CACNA1C: variants seen among roughly 807,000 people sequenced by gnomAD.
CACNA1C encodes voltage-dependent L-type calcium channel subunit alpha-1C.
CACNA1C carries 30 observed loss-of-function variants against 229.0 expected under a neutral mutation model. The ratio of observed to expected loss-of-function variants is 0.13; its 90% CI spans 0.10 to 0.18. The LOEUF is 0.18. CACNA1C is among the 10% of genes least tolerant of loss of function. The probability of loss-of-function intolerance (pLI) is 1.00; values close to 1 mark genes in which losing one functional copy is unlikely to be tolerated. For synonymous variants in CACNA1C, 1,114 were observed against 1,132.5 expected, an observed-to-expected ratio of 0.98 and a Z score of 0.33; for missense variants, 1,658 against 2,845.0, an observed-to-expected ratio of 0.58 and a Z score of 9.49.
chr12:2,046,300 G>A (rs1359965268), intron 1 of CACNA1C, among the ~76,000 whole-genome samples: 1 of 152,162 alleles, frequency 6.6e-6, no homozygotes, highest in Non-Finnish European at 1.5e-5. Flanking sequence ...CCTTCTGGGG[G>A]TCAGCAGGTC....
intron 1 of CACNA1C, among the ~76,000 whole-genome samples, chr12:2,013,210 A>G (rs1175320377): frequency 6.6e-6 from 1 of 152,170 alleles, no homozygotes; most frequent in African/African-American, 2.4e-5. Flanking sequence ...AGAGACAACA[A>G]TAGTGGTAAC....
chr12:1,994,971 A>G (rs1262295327), intron 1 of CACNA1C, among the ~76,000 whole-genome samples: 5 of 145,286 alleles, frequency 3.4e-5, no homozygotes, highest in Admixed American at 7.0e-5. Flanking sequence ...AAAGCCTTCA[A>G]CATTCTAGGA....
chr12:2,381,962 G>A (rs1594777612), intron 3 of CACNA1C, among the ~76,000 whole-genome samples: 1 of 152,182 alleles, frequency 6.6e-6, no homozygotes, highest in Admixed American at 6.5e-5. Context: ...ACAATCAGAG[G>A]GCCCTCCTTC....
rs141910995 is a variant in CACNA1C, at chr12:2,554,011, T to C, written c.1482-2940T>C. On this transcript the variant is annotated intron_variant, in intron 10 of 46. Transcript: ENST00000399655. ...TGTGGATGATGACTGCAGTGCCATC[T>C]GACTTATATTAAAGGCGAATTTGGG... Among the ~76,000 whole-genome samples the C allele has an allele frequency of 1.4e-3, 208 of 152,326 alleles. 1 individual carries two copies. The highest frequency in any genetic ancestry group is 4.6e-3 in the African/African-American group (193 of 41,566).
chr12:2,500,928 C>T (rs1272678791), intron 7 of CACNA1C, among the ~76,000 whole-genome samples: 4 of 151,858 alleles, frequency 2.6e-5, no homozygotes, highest in Admixed American at 6.6e-5. Flanking sequence ...TAAAGCAGGC[C>T]GGGGGCAGTG....
chr12:2,161,041 C>T (rs1299310359), intron 3 of CACNA1C, among the ~76,000 whole-genome samples: 4 of 152,186 alleles, frequency 2.6e-5, no homozygotes, highest in South Asian at 2.1e-4. Context: ...AGACTGGTCT[C>T]GAACTTCTGG....
At chr12:2,110,522 T>C (rs1292174762) in intron 1 of CACNA1C, among the ~76,000 whole-genome samples, 1 of 152,212 alleles carries the variant, frequency 6.6e-6, no homozygotes, top group Non-Finnish European at 1.5e-5. Flanking sequence ...AGCTTTATAA[T>C]TTGAAAATTG....
At position 2,689,313 on chromosome 12, in the gene CACNA1C, A is replaced by C. The variant is rs2097689847; in HGVS notation, c.6117+534A>C. Reference sequence around the variant, plus strand: ...CACCACATTATTAGGGACCTTTGACACACTGGAACAAACCCAACAGAGGAT... The same window carrying C: ...CACCACATTATTAGGGACCTTTGACCCACTGGAACAAACCCAACAGAGGAT... On this transcript the variant is annotated intron_variant, in intron 46 of 46. Coordinates refer to ENST00000399655, the MANE Select transcript of CACNA1C (RefSeq NM_000719.7). The surrounding 1 kb of genome is among the most constrained non-coding windows in gnomAD (Gnocchi z 4.2). Among the ~76,000 whole-genome samples, 3 of 152,130 alleles carry C rather than the reference A, an allele frequency of 2.0e-5. No individual in the cohort carries two copies.
At chr12:2,454,484 G>C (rs2099404235) in intron 4 of CACNA1C, among the ~76,000 whole-genome samples, 1 of 152,074 alleles carries the variant, frequency 6.6e-6, no homozygotes, top group Non-Finnish European at 1.5e-5. Flanking sequence ...CTTCCAGCCA[G>C]CTCAGACGCC....
chr12:2,462,746 ACTT>A (rs564937603), intron 5 of CACNA1C, among the ~76,000 whole-genome samples: 48 of 152,154 alleles, frequency 3.2e-4, no homozygotes, highest in Admixed American at 2.0e-3. Flanking sequence ...AAGGGTCTTT[ACTT>A]CTTCTGTCTC....
chr12:2,107,253 C>G (rs1355752162), intron 1 of CACNA1C, among the ~76,000 whole-genome samples: 1 of 148,682 alleles, frequency 6.7e-6, no homozygotes, highest in African/African-American at 2.5e-5. Flanking sequence ...GGGCGCCCAC[C>G]CTGGAGAGAG....
chr12:2,538,434 CTG>C (rs1361712897), intron 9 of CACNA1C, among the ~76,000 whole-genome samples: 1 of 152,104 alleles, frequency 6.6e-6, no homozygotes, highest in Non-Finnish European at 1.5e-5. Flanking sequence ...GGCCTGGGAA[CTG>C]TGTTTCTTTT....
intron 42 of CACNA1C, among the ~76,000 whole-genome samples, chr12:2,681,157 T>C (rs921239259): frequency 1.3e-5 from 2 of 152,086 alleles, no homozygotes; most frequent in Admixed American, 1.3e-4. Context: ...GGTGAACTAA[T>C]TCCCCACCCT....
At chr12:2,599,115 AAT>A (rs1259987139) in intron 21 of CACNA1C, among the ~76,000 whole-genome samples, 1 of 152,152 alleles carries the variant, frequency 6.6e-6, no homozygotes, top group African/African-American at 2.4e-5. Flanking sequence ...TGTGGATTTC[AAT>A]GGTGCTATTT....
chr12:2,036,353 A>C (rs1347943436), intron 1 of CACNA1C, among the ~76,000 whole-genome samples: 1 of 152,136 alleles, frequency 6.6e-6, no homozygotes, highest in African/African-American at 2.4e-5. Flanking sequence ...CATCTATTGC[A>C]CAGAAAAGGG....
intron 3 of CACNA1C, among the ~76,000 whole-genome samples, chr12:2,382,980 G>A (rs58586281): frequency 6.6e-6 from 1 of 152,178 alleles, no homozygotes; most frequent in Non-Finnish European, 1.5e-5. Context: ...GCTGGACCAA[G>A]GCCACTTGTA....
intron 3 of CACNA1C, among the ~76,000 whole-genome samples, chr12:2,161,786 G>C (rs544195656): frequency 1.5e-4 from 23 of 152,322 alleles, no homozygotes; most frequent in African/African-American, 1.4e-4. Flanking sequence ...GCTGGAGACC[G>C]TATATCAAAC....
At chr12:2,377,330 C>A (rs552454506) in intron 3 of CACNA1C, among the ~76,000 whole-genome samples, 1 of 152,052 alleles carries the variant, frequency 6.6e-6, no homozygotes, top group Non-Finnish European at 1.5e-5. Flanking sequence ...GTTGTCATGC[C>A]GAAGCCCAGG....
chr12:2,551,697 C>T (rs906185186), intron 10 of CACNA1C, among the ~76,000 whole-genome samples: 3 of 152,040 alleles, frequency 2.0e-5, no homozygotes, highest in Admixed American at 1.3e-4. Flanking sequence ...GATTAGGTCA[C>T]GATGAGGACT....
Sources: allele counts gnomAD v4.1 joint callset (sites outside exome capture counted in the v4.1 genomes callset), GRCh38; gene constraint gnomAD v4.1.1; non-coding constraint Gnocchi (gnomAD v3.1); transcripts MANE v1.5; gene names NCBI Gene and HGNC (gene_info 2026-07-23, HGNC 2026-07-21).